The following NCALD variants were observed in gnomAD, a reference collection of about 807,000 sequenced individuals.
The protein encoded by NCALD is neurocalcin delta, also known as neurocalcin-delta.
Under a neutral mutation model 18.6 loss-of-function variants are expected in NCALD, and 10 were observed. That is an observed-to-expected ratio of 0.54 (90% CI 0.33 to 0.91). The LOEUF (loss-of-function observed/expected upper bound fraction) is 0.91, where lower values mean the gene tolerates loss of function less well. Ranked by LOEUF, NCALD falls within the 40% of genes least tolerant of loss-of-function variation. The pLI is 0.03. For synonymous variants in NCALD, 88 were observed against 87.4 expected (o/e 1.01, Z -0.04); for missense variants, 184 against 247.6 (o/e 0.74, Z 1.72).
intron 1 of NCALD, among the ~76,000 whole-genome samples, chr8:102,038,846 A>G (rs1287515308): frequency 2.6e-5 from 4 of 152,142 alleles, no homozygotes; most frequent in Non-Finnish European, 5.9e-5. Flanking sequence ...GTTAAATTAT[A>G]TGGCAAATGG....
intron 1 of NCALD, among the ~76,000 whole-genome samples, chr8:102,092,106 A>G (rs980241861): frequency 6.6e-6 from 1 of 152,246 alleles, no homozygotes; most frequent in African/African-American, 2.4e-5. Flanking sequence ...GACATTGCTG[A>G]TAAAATGGAT....
At chr8:102,011,236 C>A (rs1821893515) in intron 2 of NCALD, among the ~76,000 whole-genome samples, 2 of 152,232 alleles carry the variant, frequency 1.3e-5, no homozygotes, top group South Asian at 2.1e-4. Flanking sequence ...ACACCTTGGT[C>A]TCCTTCCTTC....
upstream of NCALD, among the ~76,000 whole-genome samples, chr8:101,791,281 T>C (rs868463913): frequency 2.0e-5 from 3 of 152,190 alleles, no homozygotes; most frequent in South Asian, 6.2e-4. Context: ...CAGGAAAATA[T>C]ATGCCACCCT....
At chr8:102,081,263 C>CA (rs763957354) in intron 1 of NCALD, among the ~76,000 whole-genome samples, 17 of 152,132 alleles carry the variant, frequency 1.1e-4, no homozygotes, top group Admixed American at 3.3e-4. Flanking sequence ...ATCATAATGT[C>CA]AAAAAATCAC....
intron 1 of NCALD, among the ~76,000 whole-genome samples, chr8:102,085,661 G>A (rs1824713336): frequency 6.6e-6 from 1 of 152,058 alleles, no homozygotes; most frequent in South Asian, 2.1e-4. Context: ...GGAGGCTGAG[G>A]CAGGGAGAAT....
chr8:101,997,989 G>A (rs1281683832), intron 2 of NCALD, among the ~76,000 whole-genome samples: 2 of 152,140 alleles, frequency 1.3e-5, no homozygotes. Context: ...AGCCCATTAG[G>A]ACAATAAGAG....
intron 1 of NCALD, among the ~76,000 whole-genome samples, chr8:101,773,549 C>G (rs1174696058): frequency 6.6e-6 from 1 of 152,138 alleles, no homozygotes; most frequent in African/African-American, 2.4e-5. Context: ...GGATTCACAA[C>G]CCTCCCTGCA....
Position 101,830,240 on chromosome 8 carries a change from A to G in NCALD, c.-20+56901T>C, listed in dbSNP as rs149110799. On this transcript the variant is annotated intron_variant, in intron 4 of 6. Transcript: ENST00000311028. ...ACATTCATTATCAAGGATGGCAAAG[A>G]TAATTCACATTTCAAATAACCTTCT... Among the ~76,000 whole-genome samples, 34 of 152,284 alleles carry G rather than the reference A, an allele frequency of 2.2e-4. No individual in the cohort carries two copies. The East Asian group carries it at 6.0e-3, about 27-fold the overall frequency.
chr8:101,906,828 T>C (rs930131051), intron 3 of NCALD, among the ~76,000 whole-genome samples: 2 of 152,228 alleles, frequency 1.3e-5, no homozygotes, highest in Non-Finnish European at 2.9e-5. Flanking sequence ...AGAGGCCAGA[T>C]AGGTGAGCAG....
rs562213592 is a variant in NCALD, at chr8:102,033,710, A to G, written c.-209-13421T>C. On this transcript the variant is annotated intron_variant, in intron 1 of 6. Coordinates refer to the NCALD transcript ENST00000311028. Reference sequence around the variant, plus strand: ...AAGATTGTTGCTGGATAATGGAGGCATTAAGAAAGATGTCTGTAATCCAGA... The same window carrying G: ...AAGATTGTTGCTGGATAATGGAGGCGTTAAGAAAGATGTCTGTAATCCAGA... Among the ~76,000 whole-genome samples the G allele has an allele frequency of 2.6e-5, 4 of 152,332 alleles. 1 individual carries two copies. The highest frequency in any genetic ancestry group is 9.6e-5 in the African/African-American group (4 of 41,576).
chr8:102,081,581 A>C lies in NCALD; in HGVS notation c.-210+42656T>G, dbSNP rs868592329. ...AAAAAAAAAAAAAAAAAAAAACCCC[A>C]AAAAAAACTGGCTTTGCGCATGCGC... is the stretch of plus-strand genomic sequence containing the variant. On this transcript the variant is annotated intron_variant, in intron 1 of 6. Transcript: ENST00000311028. Among the ~76,000 whole-genome samples, 94 of 117,780 alleles carry C rather than the reference A, an allele frequency of 8.0e-4. 1 individual carries two copies. The highest frequency in any genetic ancestry group is 2.1e-3 in the South Asian group (9 of 4,264). 77.3% of individuals were successfully genotyped at this position (117,780 alleles called of 152,430 possible). A position where few individuals can be genotyped will look rare whatever the true frequency, so the allele number is the denominator to read the frequency against.
chr8:102,025,769 G>A (rs894259184), intron 1 of NCALD, among the ~76,000 whole-genome samples: 4 of 152,214 alleles, frequency 2.6e-5, no homozygotes, highest in Admixed American at 2.0e-4. Flanking sequence ...GAGGAGGAAC[G>A]TATGTCTACA....
intron 2 of NCALD, among the ~76,000 whole-genome samples, chr8:101,971,689 T>C (rs935484938): frequency 6.6e-6 from 1 of 152,128 alleles, no homozygotes; most frequent in Non-Finnish European, 1.5e-5. Flanking sequence ...AATGGACTAA[T>C]ACAGTGATGG....
chr8:101,745,484 C>T (rs949431170), intron 1 of NCALD, among the ~76,000 whole-genome samples: 5 of 152,172 alleles, frequency 3.3e-5, no homozygotes, highest in Admixed American at 6.5e-5. Flanking sequence ...GAATATTGCA[C>T]GGTGGTCTTT....
chr8:102,032,348 A>G (rs192077191), intron 1 of NCALD, among the ~76,000 whole-genome samples: 1 of 152,050 alleles, frequency 6.6e-6, no homozygotes, highest in African/African-American at 2.4e-5. Context: ...GATGATAGCG[A>G]AAAAAAAGAC....
chr8:101,860,005 T>A (rs1815475460), intron 4 of NCALD, among the ~76,000 whole-genome samples: 1 of 152,232 alleles, frequency 6.6e-6, no homozygotes, highest in Non-Finnish European at 1.5e-5. Flanking sequence ...TAGGTTATTA[T>A]TTTTTAAAGG....
intron 2 of NCALD, chr8:101,975,348 G>A (rs1210879952): frequency 6.6e-6 from 1 of 152,188 alleles, no homozygotes; most frequent in South Asian, 2.1e-4. Context: ...CACCTGGAGA[G>A]CTGTTGAACT....
chr8:101,868,925 CA>C (rs541790946), intron 4 of NCALD, among the ~76,000 whole-genome samples: 5 of 152,196 alleles, frequency 3.3e-5, no homozygotes, highest in Non-Finnish European at 7.3e-5. Context: ...ATTCTTTGTT[CA>C]AAATGCCAAG....
intron 1 of NCALD, among the ~76,000 whole-genome samples, chr8:101,736,094 C>G (rs765237827): frequency 1.1e-4 from 16 of 152,322 alleles, no homozygotes; most frequent in Non-Finnish European, 2.1e-4. Context: ...GCCCCCGTTC[C>G]TATGCAGGAG....
Sources: allele counts gnomAD v4.1 joint callset (sites outside exome capture counted in the v4.1 genomes callset), GRCh38; gene constraint gnomAD v4.1.1; transcripts MANE v1.5; gene names NCBI Gene and HGNC (gene_info 2026-07-23, HGNC 2026-07-21).